PCDHA1: variants seen among roughly 807,000 people sequenced by gnomAD.
PCDHA1 encodes the protein protocadherin alpha 1.
PCDHA1 carries 42 observed loss-of-function variants against 61.3 expected under a neutral mutation model. The observed-to-expected ratio is 0.69, with a 90% CI of 0.54 to 0.89. The LOEUF (loss-of-function observed/expected upper bound fraction) is 0.89, where lower values mean the gene tolerates loss of function less well. Ranked by LOEUF, PCDHA1 falls within the 40% of genes least tolerant of loss-of-function variation. The pLI, the probability that PCDHA1 is intolerant of heterozygous loss-of-function variation, is 0.00. For synonymous variants in PCDHA1, 610 were observed against 553.8 expected (o/e 1.10, Z -1.43); for missense variants, 1,256 against 1,235.3 (o/e 1.02, Z -0.25).
chr5:140,877,432 C>A (rs782574302), intron 1 of PCDHA1: 1 of 1,613,874 alleles, frequency 6.2e-7, no homozygotes, highest in Non-Finnish European at 8.5e-7. Flanking sequence ...GGTGAAGGAC[C>A]ACGGTGAGCC....
chr5:140,832,197 C>T (rs1212075331), intron 1 of PCDHA1, among the ~76,000 whole-genome samples: 4 of 152,210 alleles, frequency 2.6e-5, no homozygotes, highest in Non-Finnish European at 5.9e-5. Context: ...ATTTAACCTG[C>T]TGAGTCCTCA....
chr5:140,875,749 G>C, intron 1 of PCDHA1: 1 of 1,614,264 alleles, frequency 6.2e-7, no homozygotes, highest in Non-Finnish European at 8.5e-7. Flanking sequence ...GATCGACCGC[G>C]AGAAGCTGTG....
intron 1 of PCDHA1, chr5:140,863,127 C>A: frequency 1.7e-6 from 1 of 597,490 alleles, no homozygotes; most frequent in Non-Finnish European, 3.3e-6. Context: ...CTACGCGCCA[C>A]CGCCTGCTGG....
At chr5:140,852,040 G>A (rs2150280605) in intron 1 of PCDHA1, 1 of 922,330 alleles carries the variant, frequency 1.1e-6, no homozygotes, top group Admixed American at 6.3e-5. Flanking sequence ...TTGAGTTTTT[G>A]TTATGTGGTT....
At chr5:140,976,369 G>A (rs1464114589) in intron 1 of PCDHA1, among the ~76,000 whole-genome samples, 1 of 151,996 alleles carries the variant, frequency 6.6e-6, no homozygotes, top group Non-Finnish European at 1.5e-5. Flanking sequence ...TGGCCAACAT[G>A]GTGAAACCCC....
chr5:141,003,254 G>A (rs782245010), intron 3 of PCDHA1, among the ~76,000 whole-genome samples: 17 of 152,190 alleles, frequency 1.1e-4, no homozygotes, highest in Non-Finnish European at 2.1e-4. Flanking sequence ...AAGATTCCTG[G>A]GCAGTGCCTA....
In PCDHA1 at chr5:140,888,611, G is replaced by C. The variant is rs1554183538; in HGVS notation, c.2395-90338G>C. Reference sequence around the variant, plus strand: ...CACATTCAGAGCAGCTTTTAGTGTAGCACTAATTCGGCCTTCTATTACAGC... The same window carrying C: ...CACATTCAGAGCAGCTTTTAGTGTACCACTAATTCGGCCTTCTATTACAGC... On this transcript the variant is annotated intron_variant, in intron 1 of 3. Transcript: ENST00000504120. Among the ~76,000 whole-genome samples the C allele has an allele frequency of 2.0e-5, 3 of 152,144 alleles. No homozygotes were observed. In the East Asian group the frequency reaches 5.8e-4, roughly 29 times the overall value.
At chr5:140,860,269 T>C (rs1278960733) in intron 1 of PCDHA1, 1 of 151,996 alleles carries the variant, frequency 6.6e-6, no homozygotes, top group South Asian at 2.1e-4. Flanking sequence ...ACTGTAGTGC[T>C]ACTTGGGAGG....
chr5:140,803,354 T>C (rs1251754206), intron 1 of PCDHA1: 3 of 1,614,066 alleles, frequency 1.9e-6, no homozygotes, highest in Admixed American at 1.7e-5. Flanking sequence ...TGCTATATAC[T>C]GCTCTGCGGT....
At chr5:140,796,236 G>T (rs1554119774) in intron 1 of PCDHA1, 6 of 1,614,068 alleles carry the variant, frequency 3.7e-6, no homozygotes, top group Admixed American at 3.3e-5. Flanking sequence ...ATGAGCTGGT[G>T]GTGACCGCAC....
rs377546082 is a variant in PCDHA1 at position 140,796,654 on chromosome 5, G to A, written c.2394+7970G>A. 230 of 1,613,850 alleles carry A rather than the reference G, an allele frequency of 1.4e-4. No homozygotes were observed. The highest frequency in any genetic ancestry group is 1.7e-4 in the Non-Finnish European group (202 of 1,179,884). ...GCTGGACGAGAACGACAACGCGCCG[G>A]CACTGTTGGCGCCTAGGGCTGGCAC... On this transcript the variant is annotated intron_variant, in intron 1 of 3. Transcript: ENST00000504120.
Position 140,795,131 on chromosome 5 carries a change from T to C in PCDHA1, c.2394+6447T>C, listed in dbSNP as rs782699751. The stretch of plus-strand genomic sequence containing the variant: ...ATCGCGCAGGACCTGGGGCTGGAGC[T>C]GGAGGAGCTGGTGCCGCGCCTGTTC... On this transcript the variant is annotated intron_variant, in intron 1 of 3. Transcript: ENST00000504120. 8 of 1,613,902 alleles carry C rather than the reference T, an allele frequency of 5.0e-6. No individual in the cohort carries two copies. In the African/African-American group the frequency reaches 1.1e-4, roughly 22 times the overall value.
At chr5:140,794,847 T>A in intron 1 of PCDHA1, 1 of 1,133,868 alleles carries the variant, frequency 8.8e-7, no homozygotes, top group South Asian at 1.6e-5. Flanking sequence ...CAGAGCCCCT[T>A]TGTTACTTCA....
intron 1 of PCDHA1, chr5:140,861,087 C>T (rs1554154139): frequency 6.6e-6 from 1 of 152,266 alleles, no homozygotes; most frequent in African/African-American, 2.4e-5. Flanking sequence ...AAAGAAGCTC[C>T]ATTGTTCCTG....
At chr5:140,808,709 G>T in intron 1 of PCDHA1, 1 of 1,612,236 alleles carries the variant, frequency 6.2e-7, no homozygotes, top group Non-Finnish European at 8.5e-7. Flanking sequence ...GTCGAGCTAC[G>T]TTTCGGTGCA....
rs892863974 is a variant in PCDHA1, at chr5:140,802,917, G to T, written c.2394+14233G>T. 2.5e-6 allele frequency: 4 copies of T among 1,613,786 alleles called. No individual in the cohort carries two copies. The Admixed American group carries it at 5.0e-5, about 20-fold the overall frequency. On this transcript the variant is annotated intron_variant, in intron 1 of 3. Coordinates refer to ENST00000504120, the MANE Select transcript of PCDHA1 (RefSeq NM_018900.4). ...GCTGATGCCTCGGGTGGGTGGCATC[G>T]GTGGCGCAGTGAGCGAGCTGGTGCC...
chr5:140,836,649 C>T (rs2150266865), intron 1 of PCDHA1: 10 of 1,613,466 alleles, frequency 6.2e-6, no homozygotes, highest in Non-Finnish European at 8.5e-6. Flanking sequence ...GCAGAGGCGG[C>T]AGAGGGTGTG....
chr5:140,795,230 G>A lies in PCDHA1; in HGVS notation c.2394+6546G>A, dbSNP rs145951382. On this transcript the variant is annotated intron_variant, in intron 1 of 3. Transcript: ENST00000504120. The stretch of plus-strand genomic sequence containing the variant: ...AATGGCATTTTGTTTGTGAATTCTC[G>A]GATCGACCGGGAGGAGCTGTGCGGG... 4.5e-5 allele frequency: 73 copies of A among 1,614,232 alleles called. No homozygotes were observed. The South Asian group carries it at 7.0e-4, about 16-fold the overall frequency.
At chr5:140,883,244 G>C in intron 1 of PCDHA1, 3 of 1,614,014 alleles carry the variant, frequency 1.9e-6, no homozygotes, top group Non-Finnish European at 2.5e-6. Context: ...AGTTGACAAA[G>C]GAAATATTCC....
Sources: gnomAD v4.1 joint callset for allele counts (sites outside exome capture counted in the v4.1 genomes callset) on GRCh38, gnomAD v4.1.1 for gene constraint, MANE v1.5 for transcripts, NCBI Gene and HGNC (gene_info 2026-07-23, HGNC 2026-07-21) for gene names.